Variants in AGBL4 observed in about 807,000 individuals in gnomAD.
The protein encoded by AGBL4 is AGBL carboxypeptidase 4.
AGBL4 carries 58 observed loss-of-function variants against 66.4 expected under a neutral mutation model. The observed-to-expected ratio is 0.87, with a 90% CI of 0.71 to 1.09. The LOEUF is 1.09. Ranked by LOEUF, AGBL4 falls within the 50% of genes least tolerant of loss-of-function variation. The probability of loss-of-function intolerance (pLI) is 0.00; values close to 1 mark genes in which losing one functional copy is unlikely to be tolerated. For missense variants in AGBL4, 579 were observed against 631.0 expected (o/e 0.92, Z 0.88); for synonymous variants, 234 against 222.9 (o/e 1.05, Z -0.44).
chr1:48,908,627 A>G (rs913447721), intron 5 of AGBL4, among the ~76,000 whole-genome samples: 1 of 152,322 alleles, frequency 6.6e-6, no homozygotes, highest in African/African-American at 2.4e-5. Context: ...TAATTCTCAC[A>G]TCACCCCATG....
intron 8 of AGBL4, among the ~76,000 whole-genome samples, chr1:48,636,492 C>T (rs1246967533): frequency 6.6e-6 from 1 of 152,178 alleles, no homozygotes; most frequent in East Asian, 1.9e-4. Flanking sequence ...CACTGAGCTA[C>T]TATGTAATGG....
At chr1:49,317,871 G>A (rs1645067667) in intron 3 of AGBL4, among the ~76,000 whole-genome samples, 1 of 151,970 alleles carries the variant, frequency 6.6e-6, no homozygotes, top group African/African-American at 2.4e-5. Flanking sequence ...TCTTATGAGG[G>A]TTTTGTGTAG....
chr1:48,855,280 G>A (rs1647120617), intron 6 of AGBL4, among the ~76,000 whole-genome samples: 1 of 152,082 alleles, frequency 6.6e-6, no homozygotes, highest in Admixed American at 6.6e-5. Context: ...TCCCTTCCCA[G>A]TGATCAATCC....
chr1:49,251,228 G>A (rs1405201825), intron 3 of AGBL4, among the ~76,000 whole-genome samples: 3 of 152,168 alleles, frequency 2.0e-5, no homozygotes, highest in Non-Finnish European at 4.4e-5. Context: ...CCATGCACCA[G>A]CTGCCCACAC....
chr1:48,652,662 T>C (rs1557855917), intron 8 of AGBL4, among the ~76,000 whole-genome samples: 1 of 152,198 alleles, frequency 6.6e-6, no homozygotes, highest in Non-Finnish European at 1.5e-5. Context: ...CAAGTCAGCT[T>C]AATGTGAAAT....
At chr1:49,167,760 C>T (rs925554375) in intron 4 of AGBL4, among the ~76,000 whole-genome samples, 5 of 152,098 alleles carry the variant, frequency 3.3e-5, no homozygotes, top group Non-Finnish European at 5.9e-5. Flanking sequence ...TTGCGTACAC[C>T]GAATTAAATT....
intron 3 of AGBL4, among the ~76,000 whole-genome samples, chr1:49,515,832 G>T (rs1383091824): frequency 1.4e-5 from 2 of 140,312 alleles, no homozygotes; most frequent in Non-Finnish European, 3.0e-5. Context: ...GGTGGGAATT[G>T]AACAATGAGA....
intron 4 of AGBL4, among the ~76,000 whole-genome samples, chr1:49,243,663 G>A (rs979276620): frequency 2.0e-5 from 3 of 151,630 alleles, no homozygotes; most frequent in African/African-American, 7.3e-5. Flanking sequence ...CTACAACAGT[G>A]CATAGCACAT....
At chr1:48,983,390 A>G (rs1659929252) in intron 5 of AGBL4, among the ~76,000 whole-genome samples, 1 of 152,154 alleles carries the variant, frequency 6.6e-6, no homozygotes, top group Admixed American at 6.5e-5. Context: ...AACAAGGACA[A>G]GGAGTTTCTG....
chr1:49,352,720 T>A (rs984718306), intron 3 of AGBL4, among the ~76,000 whole-genome samples: 1 of 152,166 alleles, frequency 6.6e-6, no homozygotes, highest in Non-Finnish European at 1.5e-5. Context: ...AATAAAAAGC[T>A]AGCATGTATT....
At chr1:48,803,515 T>C (rs1380921292) in intron 6 of AGBL4, among the ~76,000 whole-genome samples, 1 of 152,238 alleles carries the variant, frequency 6.6e-6, no homozygotes, top group Non-Finnish European at 1.5e-5. Context: ...TAATTGATAA[T>C]AAATCCCTCT....
At chr1:49,576,919 A>T (rs1644448088) in intron 3 of AGBL4, among the ~76,000 whole-genome samples, 1 of 152,192 alleles carries the variant, frequency 6.6e-6, no homozygotes, top group Non-Finnish European at 1.5e-5. Flanking sequence ...GACATCCCTG[A>T]AGGACAGTGG....
At chr1:49,446,333 A>G (rs921417807) in intron 3 of AGBL4, among the ~76,000 whole-genome samples, 2 of 152,098 alleles carry the variant, frequency 1.3e-5, no homozygotes, top group East Asian at 1.9e-4. Context: ...ATTTACTTTT[A>G]TCAGAGAGGA....
intron 1 of AGBL4, among the ~76,000 whole-genome samples, chr1:49,937,881 C>A (rs1442827020): frequency 1.3e-5 from 2 of 152,160 alleles, no homozygotes; most frequent in East Asian, 3.9e-4. Context: ...TAAATCCCCA[C>A]AAGAGAAAGC....
chr1:49,588,049 C>G (rs1644683819), intron 3 of AGBL4, among the ~76,000 whole-genome samples: 1 of 152,020 alleles, frequency 6.6e-6, no homozygotes, highest in Non-Finnish European at 1.5e-5. Flanking sequence ...CTTGGTTCAC[C>G]AGGCTCCATA....
At chr1:49,354,033 G>A (rs1230585982) in intron 3 of AGBL4, among the ~76,000 whole-genome samples, 3 of 152,182 alleles carry the variant, frequency 2.0e-5, no homozygotes, top group African/African-American at 7.2e-5. Context: ...GGGTGTAAAA[G>A]GCTGTCACCC....
At chr1:49,814,395 G>A (rs1645182061) in intron 2 of AGBL4, among the ~76,000 whole-genome samples, 2 of 152,070 alleles carry the variant, frequency 1.3e-5, no homozygotes, top group African/African-American at 4.8e-5. Flanking sequence ...GCCTTATAGT[G>A]TACTTACTTG....
intron 2 of AGBL4, among the ~76,000 whole-genome samples, chr1:49,747,443 G>A (rs1651074094): frequency 6.6e-6 from 1 of 152,110 alleles, no homozygotes; most frequent in Non-Finnish European, 1.5e-5. Flanking sequence ...AAATTCTGAT[G>A]AACAAAGAGA....
At chr1:49,126,471 A>C (rs1645766382) in intron 4 of AGBL4, among the ~76,000 whole-genome samples, 1 of 152,182 alleles carries the variant, frequency 6.6e-6, no homozygotes, top group South Asian at 2.1e-4. Context: ...CAAAGGAATT[A>C]AACTAAACTG....
Sources: allele counts gnomAD v4.1 joint callset (sites outside exome capture counted in the v4.1 genomes callset), GRCh38; gene constraint gnomAD v4.1.1; transcripts MANE v1.5; gene names NCBI Gene and HGNC (gene_info 2026-07-23, HGNC 2026-07-21).